Variants in TRIM67 observed in about 807,000 individuals in gnomAD.
The protein encoded by TRIM67 is tripartite motif-containing protein 67.
In TRIM67, 39 loss-of-function variants were observed where a neutral mutation model predicts 71.0. That is an observed-to-expected ratio of 0.55 (90% CI 0.43 to 0.72). The LOEUF is 0.72. TRIM67 is among the 30% of genes least tolerant of loss of function. TRIM67 has a pLI of 0.00. For missense variants in TRIM67, 973 were observed against 1,079.2 expected (o/e 0.90, Z 1.38); for synonymous variants, 481 against 473.9 (o/e 1.01, Z -0.19).
rs1243471794 is a variant in TRIM67 at position 231,187,496 on chromosome 1, G to GT, written c.1045-9873dup. 12 of 1,495,346 alleles carry GT rather than the reference G, an allele frequency of 8.0e-6. No homozygotes were observed. The Admixed American group carries it at 1.7e-4, about 21-fold the overall frequency. 92.6% of individuals were successfully genotyped at this position (1,495,346 alleles called of 1,614,324 possible). On this transcript the variant is annotated intron_variant, in intron 1 of 9. Transcript: ENST00000366653. ...TATTAGGCATTATTATCAGCCACAG[G>GT]TTAAAAAAAAAAAACAATACCTTAG... is the stretch of plus-strand genomic sequence containing the variant.
In TRIM67 at chr1:231,218,952, C is replaced by A. The variant is rs1684078308; in HGVS notation, c.*3512C>A. ...ATGCAGGATCTTTGTGTATTTCTTC[C>A]AGGGATATTTGCATTTAAGCCTTAA... On this transcript the variant is annotated 3_prime_UTR_variant, in exon 10 of 10. Coordinates refer to ENST00000366653, the MANE Select transcript of TRIM67 (RefSeq NM_001004342.5). 1.0e-6 allele frequency: 1 copy of A among 985,454 alleles called. No homozygotes were observed. Among genetic ancestry groups the A allele is most frequent in the Non-Finnish European group, 1.2e-6 (1 of 829,936 alleles). The allele number at this position is 985,454 out of a possible 1,614,324, so 61.0% of individuals were successfully genotyped here. A position where few individuals can be genotyped will look rare whatever the true frequency, so the allele number is the denominator to read the frequency against.
chr1:231,201,305 G>T, intron 4 of TRIM67, 53 bp from the exon 5 acceptor site: 1 of 1,561,448 alleles, frequency 6.4e-7, no homozygotes, highest in Non-Finnish European at 8.7e-7. Flanking sequence ...ACCCCTGGCT[G>T]CACAATTTTT....
At chr1:231,173,743 G>C (rs2102718097) in intron 1 of TRIM67, among the ~76,000 whole-genome samples, 1 of 152,322 alleles carries the variant, frequency 6.6e-6, no homozygotes, top group South Asian at 2.1e-4. Context: ...AAGGATTTAA[G>C]CTGGGGTGTG....
intron 1 of TRIM67, among the ~76,000 whole-genome samples, chr1:231,181,982 G>A (rs192910720): frequency 2.5e-4 from 38 of 152,284 alleles, no homozygotes; most frequent in Middle Eastern, 3.4e-3. Flanking sequence ...GCATACTTCC[G>A]CAGCATGTTA....
In TRIM67 at chr1:231,218,848, C is replaced by A; in HGVS notation, c.*3408C>A. On this transcript the variant is annotated 3_prime_UTR_variant, in exon 10 of 10. Coordinates refer to ENST00000366653, the MANE Select transcript of TRIM67 (RefSeq NM_001004342.5). The stretch of plus-strand genomic sequence containing the variant: ...CCAAGAGAGCTGGGGGCAGGCCCAC[C>A]CTCCTCTTTGCGCCCTTTCTCTCCC... 2 of 985,478 alleles carry A rather than the reference C, an allele frequency of 2.0e-6. No individual in the cohort carries two copies. Among genetic ancestry groups the A allele is most frequent in the Non-Finnish European group, 2.4e-6 (2 of 829,956 alleles). 61.0% of individuals were successfully genotyped at this position (985,478 alleles called of 1,614,324 possible).
At position 231,216,603 on chromosome 1, in the gene TRIM67, G is replaced by C; in HGVS notation, c.*1163G>C. 1 of 985,552 alleles carries C rather than the reference G, an allele frequency of 1.0e-6. No homozygotes were observed. Among genetic ancestry groups the C allele is most frequent in the Non-Finnish European group, 1.2e-6 (1 of 829,998 alleles). 61.1% of individuals were successfully genotyped at this position (985,552 alleles called of 1,614,324 possible). On this transcript the variant is annotated 3_prime_UTR_variant, in exon 10 of 10. Coordinates refer to ENST00000366653, the MANE Select transcript of TRIM67 (RefSeq NM_001004342.5). The stretch of plus-strand genomic sequence containing the variant: ...AGTGGCCCCTGTGGCAGGCCGGGAC[G>C]GCTCTGCCCTGATGCAGTGGGCGGG...
At chr1:231,214,392 G>T (rs1227483834) in intron 9 of TRIM67, among the ~76,000 whole-genome samples, 1 of 152,110 alleles carries the variant, frequency 6.6e-6, no homozygotes, top group Non-Finnish European at 1.5e-5. Context: ...GTCCTGTTTT[G>T]TGGCCCTGAA....
At chr1:231,212,504 G>C (rs1440347526) in intron 8 of TRIM67, among the ~76,000 whole-genome samples, 1 of 152,340 alleles carries the variant, frequency 6.6e-6, no homozygotes, top group African/African-American at 2.4e-5. Context: ...CCCAGCTAGA[G>C]AGAGTCTTAT....
chr1:231,208,377 T>G (rs1683771648), intron 7 of TRIM67, among the ~76,000 whole-genome samples: 1 of 152,138 alleles, frequency 6.6e-6, no homozygotes, highest in Middle Eastern at 3.2e-3. Flanking sequence ...GGTTTCACTG[T>G]GTTAGCCAGG....
intron 1 of TRIM67, among the ~76,000 whole-genome samples, chr1:231,168,538 T>G (rs1448439272): frequency 6.6e-6 from 1 of 152,246 alleles, no homozygotes; most frequent in Non-Finnish European, 1.5e-5. Flanking sequence ...CTTTCTTTTT[T>G]AATAACAAAA....
chr1:231,218,733 T>C lies in TRIM67; in HGVS notation c.*3293T>C, dbSNP rs972907055. 6.1e-6 allele frequency: 6 copies of C among 985,324 alleles called. No individual in the cohort carries two copies. The African/African-American group carries it at 1.0e-4, about 17-fold the overall frequency. 61.0% of individuals were successfully genotyped at this position (985,324 alleles called of 1,614,324 possible). A position where few individuals can be genotyped will look rare whatever the true frequency, so the allele number is the denominator to read the frequency against. ...TTCAGCCTGATATGTACTTTGTAGT[T>C]GCAACAGCGCCCTAGGTGCCCTATG... is the stretch of plus-strand genomic sequence containing the variant. On this transcript the variant is annotated 3_prime_UTR_variant, in exon 10 of 10. Transcript: ENST00000366653.
chr1:231,166,596 C>T (rs1271925925), intron 1 of TRIM67, among the ~76,000 whole-genome samples: 1 of 152,156 alleles, frequency 6.6e-6, no homozygotes, highest in Non-Finnish European at 1.5e-5. Context: ...CTCATTGCAT[C>T]ACCAGAACTA....
At chr1:231,199,611 G>A (rs12564475) in intron 3 of TRIM67, among the ~76,000 whole-genome samples, 4,117 of 152,190 alleles carry the variant, frequency 0.027, 172 homozygotes, top group East Asian at 0.19. Context: ...CTCCCCTCAC[G>A]TCACACTGAG....
At chr1:231,173,012 G>A (rs1395896937) in intron 1 of TRIM67, among the ~76,000 whole-genome samples, 1 of 152,156 alleles carries the variant, frequency 6.6e-6, no homozygotes, top group Non-Finnish European at 1.5e-5. Flanking sequence ...CTGAGCTGAT[G>A]CTGCTAATGA....
intron 1 of TRIM67, among the ~76,000 whole-genome samples, chr1:231,168,243 C>A (rs539794168): frequency 6.6e-6 from 1 of 152,288 alleles, no homozygotes; most frequent in South Asian, 2.1e-4. Context: ...CCTGGGATCA[C>A]GCCTGTAGGC....
chr1:231,219,919 C>G lies in TRIM67; in HGVS notation c.*4479C>G. 7.8e-7 allele frequency: 1 copy of G among 1,289,858 alleles called. No individual in the cohort carries two copies. Among genetic ancestry groups the G allele is most frequent in the Non-Finnish European group, 1.0e-6 (1 of 988,902 alleles). 79.9% of individuals were successfully genotyped at this position (1,289,858 alleles called of 1,614,324 possible). The stretch of plus-strand genomic sequence containing the variant: ...TCGGGCAGGATGTATTGATCAGACA[C>G]CAAGTTCAGCCCTCGGTTACTTCCC... On this transcript the variant is annotated 3_prime_UTR_variant, in exon 10 of 10. Transcript: ENST00000366653.
rs1159766852 is a variant in TRIM67, at chr1:231,167,319, CTTT to C, written c.1044+3325_1044+3327del. 8.1e-3 allele frequency among the ~76,000 whole-genome samples: 419 copies of C among 51,828 alleles called. 31 individuals carry two copies. Among genetic ancestry groups the C allele is most frequent in the Middle Eastern group, 0.022 (2 of 92 alleles). The allele number at this position is 51,828 out of a possible 152,430, so 34.0% of individuals were successfully genotyped here. On this transcript the variant is annotated intron_variant, in intron 1 of 9. Coordinates refer to ENST00000366653, the MANE Select transcript of TRIM67 (RefSeq NM_001004342.5). Reference sequence around the variant, plus strand: ...ACAGGACTTTTGATCACTCTAATGTCTTTTTTTTTTTTTTTTTTTTTGAGACGG... The same window carrying C: ...ACAGGACTTTTGATCACTCTAATGTCTTTTTTTTTTTTTTTTTTGAGACGG...
chr1:231,195,529 G>C (rs1048624711), intron 1 of TRIM67, among the ~76,000 whole-genome samples: 1 of 152,194 alleles, frequency 6.6e-6, no homozygotes. Context: ...TGAGGCTCAT[G>C]GTGTAGGAAA....
chr1:231,205,670 A>T (rs1410184250), intron 6 of TRIM67, among the ~76,000 whole-genome samples: 1 of 151,674 alleles, frequency 6.6e-6, no homozygotes, highest in Non-Finnish European at 1.5e-5. Context: ...AGATTGTAGT[A>T]AGTCAAGATT....
Sources: gnomAD v4.1 joint callset for allele counts (sites outside exome capture counted in the v4.1 genomes callset) on GRCh38, gnomAD v4.1.1 for gene constraint, MANE v1.5 for transcripts, NCBI Gene and HGNC (gene_info 2026-07-23, HGNC 2026-07-21) for gene names.